The following KDM4B variants were observed in gnomAD, a reference collection of about 807,000 sequenced individuals.
KDM4B encodes the protein lysine-specific demethylase 4B.
A neutral mutation model predicts 125.2 loss-of-function variants in KDM4B; 32 were observed. That is an observed-to-expected ratio of 0.26 (90% CI 0.19 to 0.34). The LOEUF (loss-of-function observed/expected upper bound fraction) is 0.34, where lower values mean the gene tolerates loss of function less well. KDM4B is among the 10% of genes least tolerant of loss of function. The pLI, the probability that KDM4B is intolerant of heterozygous loss-of-function variation, is 1.00. For synonymous variants in KDM4B, 721 were observed against 677.9 expected (o/e 1.06, Z -0.99); for missense variants, 1,190 against 1,577.7 (o/e 0.75, Z 4.16).
chr19:5,004,858 C>T (rs545996174), intron 1 of KDM4B, among the ~76,000 whole-genome samples: 1 of 152,250 alleles, frequency 6.6e-6, no homozygotes, highest in South Asian at 2.1e-4. Context: ...CCAGCCTGAC[C>T]CCAGAGACAT....
At chr19:5,004,650 G>A (rs1249556823) in intron 1 of KDM4B, among the ~76,000 whole-genome samples, 3 of 152,166 alleles carry the variant, frequency 2.0e-5, no homozygotes, top group Non-Finnish European at 1.5e-5. Context: ...ACTGTGAGAT[G>A]CACCACGGCT....
At chr19:4,969,577 G>A (rs2034173274) in intron 1 of KDM4B, among the ~76,000 whole-genome samples, 1 of 151,656 alleles carries the variant, frequency 6.6e-6, no homozygotes, top group Non-Finnish European at 1.5e-5. Context: ...CAGCGTGGGT[G>A]GCCCCGGCCG....
At position 5,077,901 on chromosome 19, in the gene KDM4B, G is replaced by A. The variant is rs1189531023; in HGVS notation, c.780+431G>A. The A allele has an allele frequency of 3.3e-5, 6 of 183,666 alleles. No homozygotes were observed. The South Asian group carries it at 5.8e-4, about 18-fold the overall frequency. The allele number at this position is 183,666 out of a possible 1,614,324, so 11.4% of individuals were successfully genotyped here. On this transcript the variant is annotated intron_variant, in intron 8 of 22. Coordinates refer to ENST00000159111, the MANE Select transcript of KDM4B (RefSeq NM_015015.3). The stretch of plus-strand genomic sequence containing the variant: ...CACCCTAAGTCTCAGGCACCCCCAC[G>A]GCCCATGTCACCCGGCCGTGGAGAG...
At chr19:5,076,085 G>A (rs987676459) in intron 7 of KDM4B, 1 of 152,660 alleles carries the variant, frequency 6.6e-6, no homozygotes. Flanking sequence ...ACTGAGTGAC[G>A]AGAGCGGCCA....
intron 2 of KDM4B, among the ~76,000 whole-genome samples, chr19:5,019,247 TTGG>T (rs1387223437): frequency 6.9e-6 from 1 of 145,684 alleles, no homozygotes; most frequent in African/African-American, 2.6e-5. Flanking sequence ...TGTGCACGTA[TTGG>T]TGTGCAGGTG....
intron 6 of KDM4B, among the ~76,000 whole-genome samples, chr19:5,056,841 T>G (rs1361471992): frequency 2.2e-5 from 2 of 91,516 alleles, no homozygotes; most frequent in African/African-American, 8.4e-5. Flanking sequence ...TCTAGAGCCC[T>G]GGGGTGGGGA....
rs748062725 is a variant in KDM4B at position 5,077,480 on chromosome 19, G to A, written c.780+10G>A. ...GATCCCCTTCAGCCGGGTGCGTACG[G>A]GTGGGGCCTGCACGCCTGTGGGTGA... On this transcript the variant is annotated intron_variant, in intron 8 of 22. Transcript: ENST00000159111. 2.5e-6 allele frequency: 4 copies of A among 1,611,110 alleles called. No individual in the cohort carries two copies. In the Admixed American group the frequency reaches 6.7e-5, roughly 27 times the overall value.
chr19:5,131,080 C>T lies in KDM4B; in HGVS notation c.1320C>T (p.Asp440=), dbSNP rs115799672. 3,746 of 1,508,654 alleles carry T rather than the reference C, an allele frequency of 2.5e-3. 83 individuals carry two copies. In the African/African-American group the frequency reaches 0.048, roughly 19 times the overall value. The allele number at this position is 1,508,654 out of a possible 1,614,324, so 93.5% of individuals were successfully genotyped here. A position where few individuals can be genotyped will look rare whatever the true frequency, so the allele number is the denominator to read the frequency against. ...CTCCCTCTCCTCTTCCCACAGAGGACGGGAGGGGCAAGCTGCGGCCAACCA... is the reference window on the plus strand; with the variant it reads ...CTCCCTCTCCTCTTCCCACAGAGGATGGGAGGGGCAAGCTGCGGCCAACCA... ...HGREAEGAEE[D]GRGKLRPTKA... is the part of the protein sequence containing the mutation. The change falls in exon 12 of 23, where the codon GAC becomes GAT. Residue 440 remains aspartate (D), a synonymous_variant. Coordinates refer to ENST00000159111, the MANE Select transcript of KDM4B (RefSeq NM_015015.3).
intron 16 of KDM4B, 53 bp downstream of exon 16, chr19:5,137,391 C>T (rs1692451556): frequency 6.7e-7 from 1 of 1,497,140 alleles, no homozygotes; most frequent in East Asian, 2.5e-5. Context: ...GGGCCCCGGC[C>T]CCACTCCAGT....
intron 9 of KDM4B, among the ~76,000 whole-genome samples, chr19:5,096,870 C>T (rs539300007): frequency 1.3e-5 from 2 of 152,252 alleles, no homozygotes; most frequent in Admixed American, 1.3e-4. Context: ...GGAAGTGTCC[C>T]TCCGTTTCTG....
intron 8 of KDM4B, 77 bp downstream of exon 8, chr19:5,077,547 A>C: frequency 8.2e-7 from 1 of 1,220,812 alleles, no homozygotes; most frequent in African/African-American, 1.5e-5. Context: ...CACATACCCC[A>C]GGAGATAAGC....
chr19:5,134,306 T>C (rs1354304868), intron 14 of KDM4B, among the ~76,000 whole-genome samples: 2 of 152,146 alleles, frequency 1.3e-5, no homozygotes, highest in Non-Finnish European at 2.9e-5. Context: ...AGAGGGAGGC[T>C]GCGGAGGCTC....
At chr19:5,145,691 C>T (rs962125636) in intron 21 of KDM4B, among the ~76,000 whole-genome samples, 4 of 152,322 alleles carry the variant, frequency 2.6e-5, no homozygotes, top group African/African-American at 7.2e-5. Flanking sequence ...CCTGGTGCCG[C>T]ACTTCCCTTG....
At chr19:5,061,822 G>C (rs2037606676) in intron 6 of KDM4B, among the ~76,000 whole-genome samples, 1 of 146,938 alleles carries the variant, frequency 6.8e-6, no homozygotes, top group African/African-American at 2.5e-5. Context: ...CAAAGACCCT[G>C]TCTCTTAAAA....
chr19:4,974,479 C>G (rs529073374), intron 1 of KDM4B, among the ~76,000 whole-genome samples: 2 of 152,012 alleles, frequency 1.3e-5, no homozygotes, highest in Non-Finnish European at 2.9e-5. Context: ...TGGCTCACGC[C>G]TGTAATCCCA....
intron 1 of KDM4B, among the ~76,000 whole-genome samples, chr19:5,013,659 T>C (rs925471847): frequency 1.3e-5 from 2 of 152,146 alleles, no homozygotes; most frequent in Non-Finnish European, 2.9e-5. Context: ...AGGCCTTGAC[T>C]CTCACCCTCT....
intron 1 of KDM4B, among the ~76,000 whole-genome samples, chr19:5,004,490 C>T (rs987781551): frequency 2.6e-5 from 4 of 152,296 alleles, no homozygotes; most frequent in African/African-American, 4.8e-5. Flanking sequence ...CACCCCAGCC[C>T]GGCAGCTTCC....
At chr19:5,021,944 T>C (rs2036134945) in intron 2 of KDM4B, among the ~76,000 whole-genome samples, 1 of 152,190 alleles carries the variant, frequency 6.6e-6, no homozygotes, top group Non-Finnish European at 1.5e-5. Context: ...AGATTTTTAA[T>C]TTAAGAGACT....
intron 9 of KDM4B, among the ~76,000 whole-genome samples, chr19:5,101,762 G>T (rs773794014): frequency 6.6e-6 from 1 of 151,640 alleles, no homozygotes; most frequent in Admixed American, 6.6e-5. Context: ...GGCCTCACTC[G>T]GTGCTTTTCC....
Sources: gnomAD v4.1 joint callset for allele counts (sites outside exome capture counted in the v4.1 genomes callset) on GRCh38, gnomAD v4.1.1 for gene constraint, MANE v1.5 for transcripts, NCBI Gene and HGNC (gene_info 2026-07-23, HGNC 2026-07-21) for gene names.